Variants in MEGF11 observed in about 807,000 individuals in gnomAD.
The protein encoded by MEGF11 is multiple EGF like domains 11.
A neutral mutation model predicts 146.6 loss-of-function variants in MEGF11; 126 were observed. The ratio of observed to expected loss-of-function variants is 0.86; its 90% CI spans 0.74 to 1.00. The LOEUF (loss-of-function observed/expected upper bound fraction) is 1.00, where lower values mean the gene tolerates loss of function less well. Among genes scored for constraint, MEGF11 ranks in the 50% least tolerant of loss-of-function variants. MEGF11 has a pLI of 0.00. For missense variants in MEGF11, 1,509 were observed against 1,521.2 expected (o/e 0.99, Z 0.13); for synonymous variants, 532 against 583.4 (o/e 0.91, Z 1.27).
chr15:65,971,586 G>A (rs1025114944), intron 7 of MEGF11, among the ~76,000 whole-genome samples: 2 of 152,174 alleles, frequency 1.3e-5, no homozygotes, highest in Middle Eastern at 3.2e-3. Context: ...AAGGCTGACT[G>A]CCGGACTGAA....
chr15:65,936,462 C>A (rs1425569973), intron 10 of MEGF11, among the ~76,000 whole-genome samples: 4 of 152,174 alleles, frequency 2.6e-5, no homozygotes, highest in African/African-American at 9.7e-5. Flanking sequence ...TGGACAGGAG[C>A]AGAAGGACTT....
chr15:66,227,796 T>C (rs577851719), intron 1 of MEGF11, among the ~76,000 whole-genome samples: 16 of 152,292 alleles, frequency 1.1e-4, no homozygotes, highest in African/African-American at 3.9e-4. Context: ...CCACCAGTGG[T>C]CCCCAGGGAA....
chr15:66,224,394 G>A (rs2091801747), intron 1 of MEGF11, among the ~76,000 whole-genome samples: 1 of 151,840 alleles, frequency 6.6e-6, no homozygotes, highest in Admixed American at 6.6e-5. Context: ...GGCCAACATG[G>A]CAAAACCCCA....
chr15:66,201,975 A>AG (rs1567282043), intron 1 of MEGF11, among the ~76,000 whole-genome samples: 1 of 141,204 alleles, frequency 7.1e-6, no homozygotes, highest in Non-Finnish European at 1.5e-5. Flanking sequence ...AAAAAAAAAA[A>AG]CCTGCCTCCA....
intron 4 of MEGF11, 42 bp downstream of exon 4, chr15:66,119,044 C>T (rs1309640927): frequency 7.3e-7 from 1 of 1,364,104 alleles, no homozygotes; most frequent in Non-Finnish European, 1.0e-6. Flanking sequence ...TGCCTCTCCT[C>T]CCTTCCCCAC....
intron 5 of MEGF11, among the ~76,000 whole-genome samples, chr15:66,004,985 G>T (rs1024036772): frequency 6.6e-6 from 1 of 152,222 alleles, no homozygotes; most frequent in African/African-American, 2.4e-5. Flanking sequence ...TACTTGGGAG[G>T]CTGAAGCAGG....
chr15:66,132,293 G>C (rs1009303516), intron 1 of MEGF11, among the ~76,000 whole-genome samples: 4 of 152,196 alleles, frequency 2.6e-5, no homozygotes, highest in African/African-American at 7.2e-5. Context: ...GCATAAATTG[G>C]GGCAGAAGGC....
At chr15:65,981,603 G>A (rs1004518271) in intron 6 of MEGF11, among the ~76,000 whole-genome samples, 1 of 152,196 alleles carries the variant, frequency 6.6e-6, no homozygotes, top group Non-Finnish European at 1.5e-5. Flanking sequence ...AGAGGCCACA[G>A]AGTCTGCTAC....
intron 9 of MEGF11, among the ~76,000 whole-genome samples, chr15:65,960,055 T>A (rs1162297284): frequency 6.6e-6 from 1 of 152,186 alleles, no homozygotes; most frequent in African/African-American, 2.4e-5. Context: ...ATAAGCACTT[T>A]GTATACAAAG....
chr15:65,900,979 T>C (rs2078481315), intron 24 of MEGF11, among the ~76,000 whole-genome samples: 1 of 152,208 alleles, frequency 6.6e-6, no homozygotes. Flanking sequence ...AAGTTACTTA[T>C]TTGAGACACC....
At chr15:66,095,448 GTTT>G (rs1446036391) in intron 4 of MEGF11, among the ~76,000 whole-genome samples, 1 of 152,110 alleles carries the variant, frequency 6.6e-6, no homozygotes, top group Non-Finnish European at 1.5e-5. Context: ...TTTTTGTTTT[GTTT>G]TGTTTTTCCC....
intron 5 of MEGF11, among the ~76,000 whole-genome samples, chr15:66,030,322 C>G (rs1274375415): frequency 6.6e-6 from 1 of 152,228 alleles, no homozygotes; most frequent in East Asian, 1.9e-4. Context: ...TGGACCCATG[C>G]TATGTCAATA....
At chr15:66,162,829 T>A (rs965321671) in intron 1 of MEGF11, among the ~76,000 whole-genome samples, 1 of 150,362 alleles carries the variant, frequency 6.7e-6, no homozygotes, top group African/African-American at 2.4e-5. Context: ...TAAGAAAAAA[T>A]TTTTTCGAGG....
chr15:65,962,092 C>T (rs375468623), intron 9 of MEGF11, among the ~76,000 whole-genome samples: 1 of 152,138 alleles, frequency 6.6e-6, no homozygotes, highest in Non-Finnish European at 1.5e-5. Flanking sequence ...AGTCCCAATC[C>T]CCACTCAGTA....
chr15:66,061,483 C>T (rs1296654858), intron 5 of MEGF11, among the ~76,000 whole-genome samples: 1 of 152,140 alleles, frequency 6.6e-6, no homozygotes, highest in East Asian at 1.9e-4. Flanking sequence ...CTGGAGGAGG[C>T]AAGAGGAGGC....
chr15:65,904,269 G>T (rs1004039419), intron 24 of MEGF11, among the ~76,000 whole-genome samples: 1 of 152,142 alleles, frequency 6.6e-6, no homozygotes, highest in African/African-American at 2.4e-5. Flanking sequence ...ACCTTTTTGA[G>T]AAAGAAACTG....
intron 8 of MEGF11, among the ~76,000 whole-genome samples, chr15:65,968,544 T>C (rs1217054082): frequency 6.6e-6 from 1 of 152,126 alleles, no homozygotes; most frequent in African/African-American, 2.4e-5. Context: ...ATTGACAACC[T>C]AATTCATTTA....
chr15:66,084,964 C>T (rs928030299), intron 5 of MEGF11, among the ~76,000 whole-genome samples: 3 of 152,034 alleles, frequency 2.0e-5, no homozygotes, highest in African/African-American at 7.2e-5. Context: ...GCGAAGGTGG[C>T]GGGGGAAGGG....
At chr15:65,905,156 G>T (rs1195758233) in intron 24 of MEGF11, 1 of 152,346 alleles carries the variant, frequency 6.6e-6, no homozygotes, top group African/African-American at 2.4e-5. Context: ...GCCTCTCAAA[G>T]TGCTGAGATC....
Sources: allele counts gnomAD v4.1 joint callset (sites outside exome capture counted in the v4.1 genomes callset), GRCh38; gene constraint gnomAD v4.1.1; transcripts MANE v1.5; gene names NCBI Gene and HGNC (gene_info 2026-07-23, HGNC 2026-07-21).